The following UGGT1 variants were observed in gnomAD, a reference collection of about 807,000 sequenced individuals.
UGGT1 encodes UDP-glucose:glycoprotein glucosyltransferase 1.
Under a neutral mutation model 203.9 loss-of-function variants are expected in UGGT1, and 107 were observed. That is an observed-to-expected ratio of 0.52 (90% confidence interval 0.45 to 0.62). The LOEUF is 0.62. UGGT1 is among the 20% of genes least tolerant of loss of function. The pLI is 0.00. For synonymous variants in UGGT1, 628 were observed against 653.5 expected (o/e 0.96, Z 0.59); for missense variants, 1,673 against 1,867.2 (o/e 0.90, Z 1.92).
chr2:128,092,807 C>G (rs1308540097), intron 1 of UGGT1, among the ~76,000 whole-genome samples: 2 of 152,066 alleles, frequency 1.3e-5, no homozygotes, highest in Non-Finnish European at 2.9e-5. Context: ...CCTCCTACCT[C>G]AGCCTCCTAC....
chr2:128,179,378 C>T (rs1041051861), intron 34 of UGGT1, among the ~76,000 whole-genome samples: 2 of 152,148 alleles, frequency 1.3e-5, no homozygotes, highest in African/African-American at 2.4e-5. Context: ...CTGCAGGAGG[C>T]GCTGTGGTTA....
At chr2:128,094,747 T>G (rs1449769091) in intron 1 of UGGT1, among the ~76,000 whole-genome samples, 1 of 64,800 alleles carries the variant, frequency 1.5e-5, no homozygotes, top group East Asian at 3.3e-4. Flanking sequence ...TTTTTTTTTT[T>G]TTTTTTTTTT....
At chr2:128,103,259 A>ACGTG in intron 2 of UGGT1, 1 of 315,962 alleles carries the variant, frequency 3.2e-6, no homozygotes. Flanking sequence ...TTCAATTACT[A>ACGTG]CGTGCATTTC....
chr2:128,135,635 G>A (rs773756549), intron 15 of UGGT1, among the ~76,000 whole-genome samples: 34 of 152,110 alleles, frequency 2.2e-4, no homozygotes, highest in Non-Finnish European at 4.7e-4. Flanking sequence ...CTGTAAACAT[G>A]TATGCCTTAT....
intron 32 of UGGT1, among the ~76,000 whole-genome samples, 195 bp downstream of exon 32, chr2:128,177,093 C>T (rs955532724): frequency 1.3e-5 from 2 of 151,836 alleles, no homozygotes; most frequent in African/African-American, 2.4e-5. Flanking sequence ...TGGGTAATCT[C>T]GGTGTGCAGA....
At chr2:128,099,487 A>C (rs751528814) in intron 2 of UGGT1, among the ~76,000 whole-genome samples, 32 of 152,142 alleles carry the variant, frequency 2.1e-4, no homozygotes, top group Non-Finnish European at 4.0e-4. Flanking sequence ...ATTCCTAGAA[A>C]AATGTGGATG....
In UGGT1 at chr2:128,109,503, C is replaced by T. The variant is rs192505847; in HGVS notation, c.409-131C>T. On this transcript the variant is annotated intron_variant, in intron 4 of 40. Transcript: ENST00000259253. ...TCCCAAAGTGCTGGGATTACAGGCA[C>T]GAGCTACCACACTCAGCCAGTTTCA... 867 of 722,498 alleles carry T rather than the reference C, an allele frequency of 1.2e-3. 1 individual carries two copies. Among genetic ancestry groups the T allele is most frequent in the Non-Finnish European group, 1.4e-3 (596 of 428,688 alleles). 44.8% of individuals were successfully genotyped at this position (722,498 alleles called of 1,614,324 possible).
chr2:128,125,771 C>T (rs1303092713), intron 11 of UGGT1, among the ~76,000 whole-genome samples: 2 of 151,936 alleles, frequency 1.3e-5, no homozygotes, highest in African/African-American at 4.8e-5. Context: ...AATTGAAAAA[C>T]CTTATTGGGA....
At position 128,173,765 on chromosome 2, in the gene UGGT1, G is replaced by A. The variant is rs1276043701; in HGVS notation, c.3295-16G>A. 3 of 1,612,136 alleles carry A rather than the reference G, an allele frequency of 1.9e-6. No homozygotes were observed. The South Asian group carries it at 3.3e-5, about 18-fold the overall frequency. ...TGTCTCTGAGTGCATTCAAGTGATTGGATTTTGGCTTGCAGGTGGACAGTG... is the reference window on the plus strand; with the variant it reads ...TGTCTCTGAGTGCATTCAAGTGATTAGATTTTGGCTTGCAGGTGGACAGTG... On this transcript the variant is annotated splice_polypyrimidine_tract_variant and intron_variant, in intron 29 of 40. Coordinates refer to ENST00000259253, the MANE Select transcript of UGGT1 (RefSeq NM_020120.4).
Position 128,192,117 on chromosome 2 carries a change from C to G in UGGT1, c.*2375C>G, listed in dbSNP as rs1692292594. ...CTGTGCAGGGAAGACAAGAGTAGAC[C>G]ATATTCTCTGTGTGCTGTGCATGTC... On this transcript the variant is annotated 3_prime_UTR_variant, in exon 41 of 41. Coordinates refer to ENST00000259253, the MANE Select transcript of UGGT1 (RefSeq NM_020120.4). 6.6e-6 allele frequency: 1 copy of G among 152,122 alleles called. No homozygotes were observed. The highest frequency in any genetic ancestry group is 1.5e-5 in the Non-Finnish European group (1 of 68,046). 9.4% of individuals were successfully genotyped at this position (152,122 alleles called of 1,614,324 possible).
chr2:128,176,747 C>A, intron 31 of UGGT1, 67 bp from the exon 32 acceptor site: 1 of 1,427,438 alleles, frequency 7.0e-7, no homozygotes, highest in Non-Finnish European at 9.8e-7. Flanking sequence ...GACTCAGATG[C>A]TCTGAGAGCA....
intron 12 of UGGT1, among the ~76,000 whole-genome samples, chr2:128,128,073 C>CA (rs1051198615): frequency 1.3e-5 from 2 of 150,688 alleles, no homozygotes; most frequent in Non-Finnish European, 3.0e-5. Context: ...GAATCCATCT[C>CA]AAAAAACAAA....
At chr2:128,154,656 C>A (rs1690141753) in intron 19 of UGGT1, among the ~76,000 whole-genome samples, 1 of 152,158 alleles carries the variant, frequency 6.6e-6, no homozygotes, top group Admixed American at 6.5e-5. Flanking sequence ...CTACGGTTTT[C>A]CTGGATAGTA....
intron 15 of UGGT1, among the ~76,000 whole-genome samples, chr2:128,137,814 TG>T (rs1354395186): frequency 6.6e-6 from 1 of 152,254 alleles, no homozygotes; most frequent in Non-Finnish European, 1.5e-5. Flanking sequence ...CTTTGTCCAT[TG>T]AAATGCCTTT....
intron 3 of UGGT1, 150 bp downstream of exon 3, chr2:128,104,164 A>G (rs980721975): frequency 3.6e-6 from 2 of 560,402 alleles, no homozygotes; most frequent in Non-Finnish European, 6.1e-6. Flanking sequence ...GGAAGAGCCA[A>G]CACAACACAA....
intron 31 of UGGT1, among the ~76,000 whole-genome samples, chr2:128,176,492 C>T (rs1435782295): frequency 2.0e-5 from 3 of 151,020 alleles, no homozygotes; most frequent in Non-Finnish European, 2.9e-5. Flanking sequence ...ATTCCTTTAT[C>T]GAAGGCTCTG....
chr2:128,119,898 T>C (rs1688297244), intron 8 of UGGT1, among the ~76,000 whole-genome samples: 1 of 151,920 alleles, frequency 6.6e-6, no homozygotes, highest in Non-Finnish European at 1.5e-5. Flanking sequence ...CAGTAAACAC[T>C]GCAGGTATAG....
At chr2:128,159,963 AAG>A (rs1208419511) in intron 23 of UGGT1, among the ~76,000 whole-genome samples, 1 of 152,148 alleles carries the variant, frequency 6.6e-6, no homozygotes, top group Non-Finnish European at 1.5e-5. Context: ...CACAGTTTTT[AAG>A]AGAGACAATA....
chr2:128,166,194 C>G (rs1690781191), intron 26 of UGGT1, among the ~76,000 whole-genome samples: 1 of 152,152 alleles, frequency 6.6e-6, no homozygotes, highest in African/African-American at 2.4e-5. Flanking sequence ...GTTGGTGTGT[C>G]ACATTTGCTT....
Sources: gnomAD v4.1 joint callset for allele counts (sites outside exome capture counted in the v4.1 genomes callset) on GRCh38, gnomAD v4.1.1 for gene constraint, MANE v1.5 for transcripts, NCBI Gene and HGNC (gene_info 2026-07-23, HGNC 2026-07-21) for gene names.